The following AGO2 variants were observed in gnomAD, a reference collection of about 807,000 sequenced individuals.
The protein encoded by AGO2 is protein argonaute-2.
A neutral mutation model predicts 102.3 loss-of-function variants in AGO2; 5 were observed. The observed-to-expected ratio is 0.05, with a 90% confidence interval of 0.03 to 0.10. The LOEUF (loss-of-function observed/expected upper bound fraction) is 0.10. AGO2 is among the 10% of genes least tolerant of loss of function. The probability of loss-of-function intolerance (pLI) is 1.00; values close to 1 mark genes in which losing one functional copy is unlikely to be tolerated. For missense variants in AGO2, 541 were observed against 1,183.7 expected, an observed-to-expected ratio of 0.46 and a Z score of 7.97; for synonymous variants, 449 against 473.1, an observed-to-expected ratio of 0.95 and a Z score of 0.66.
chr8:140,640,710 G>A, the AGO2 span, among the ~76,000 whole-genome samples: 1 of 152,026 alleles, frequency 6.6e-6, no homozygotes, highest in Non-Finnish European at 1.5e-5. Flanking sequence ...TAGTAGAGAC[G>A]GGGTTTCACC....
chr8:140,594,825 CTGTGTGTGTGTG>C (rs56012516), intron 1 of AGO2, among the ~76,000 whole-genome samples: 5 of 146,128 alleles, frequency 3.4e-5, no homozygotes, highest in Admixed American at 2.1e-4. Context: ...AAGAAAAAAA[CTGTGTGTGTGTG>C]TGTGTGTGTG....
intron 17 of AGO2, 28 bp downstream of exon 17, chr8:140,535,440 T>C: frequency 6.2e-7 from 1 of 1,608,868 alleles, no homozygotes; most frequent in Non-Finnish European, 8.5e-7. Context: ...CGGCCAAGAC[T>C]CTGTCCGAAG....
In AGO2 at chr8:140,541,226, G is replaced by A; in HGVS notation, c.1972C>T (p.Arg658Cys). 5 of 1,607,272 alleles carry A rather than the reference G, an allele frequency of 3.1e-6. No homozygotes were observed. Among genetic ancestry groups the A allele is most frequent in the South Asian group, 1.1e-5 (1 of 89,914 alleles). Residue 658 changes from arginine to cysteine, a missense_variant, in exon 15 of 19, where the codon CGC becomes TGC. By Grantham distance (180) the Arg-to-Cys change is radical. This residue lies in a region of AGO2 where 309 missense variants were observed against 735.1 expected (regional missense o/e 0.42). Transcript: ENST00000220592. ...AAGATGATGCGGGTGGGCTTGAAGC[G>A]CGTGGACTTGTAGAACTGGATGAGG... ...ELLIQFYKST[R>C]FKPTRIIFYR...
At chr8:140,623,971 T>A (rs1264671945) in intron 1 of AGO2, among the ~76,000 whole-genome samples, 1 of 150,962 alleles carries the variant, frequency 6.6e-6, no homozygotes, top group Admixed American at 6.6e-5. Context: ...ACCAAGATGA[T>A]CCCGGGGCAA....
At chr8:140,570,635 C>A (rs1169355099) in intron 3 of AGO2, among the ~76,000 whole-genome samples, 2 of 152,210 alleles carry the variant, frequency 1.3e-5, no homozygotes, top group Non-Finnish European at 2.9e-5. Context: ...GACCGTGGGG[C>A]ACAGGCACCG....
rs977582591 is a variant in AGO2, at chr8:140,557,898, G to A, written c.878+587C>T. On this transcript the variant is annotated intron_variant, in intron 7 of 18. Coordinates refer to ENST00000220592, the MANE Select transcript of AGO2 (RefSeq NM_012154.5). The surrounding 1 kb of genome is among the most constrained non-coding windows in gnomAD (Gnocchi z 5.9). ...CTCGTCCTTCTGCTCCCTCAGCCAC[G>A]GGCATCTTGGTACCTCCAGTGCCTG... 1.8e-4 allele frequency among the ~76,000 whole-genome samples: 27 copies of A among 152,164 alleles called. No homozygotes were observed. The highest frequency in any genetic ancestry group is 4.8e-4 in the African/African-American group (20 of 41,430).
At chr8:140,555,775 T>G in intron 10 of AGO2, 121 bp downstream of exon 10, 2 of 1,359,150 alleles carry the variant, frequency 1.5e-6, no homozygotes, top group South Asian at 1.6e-5. Flanking sequence ...CAGCCGGGAG[T>G]AGAAAGGATT....
intron 2 of AGO2, among the ~76,000 whole-genome samples, chr8:140,584,401 G>A (rs1490928150): frequency 6.6e-6 from 1 of 152,178 alleles, no homozygotes; most frequent in Non-Finnish European, 1.5e-5. Context: ...AAACGTGATG[G>A]GAGCATGGGA....
chr8:140,630,966 G>C (rs78045465), intron 1 of AGO2, among the ~76,000 whole-genome samples: 2,671 of 152,196 alleles, frequency 0.018, 83 homozygotes, highest in African/African-American at 0.059. Flanking sequence ...AGGTGGGAGG[G>C]CGGCTTGTGC....
intron 17 of AGO2, 177 bp downstream of exon 17, chr8:140,535,291 G>C: frequency 4.6e-5 from 27 of 583,626 alleles, no homozygotes; most frequent in East Asian, 9.4e-5. Context: ...CCACCCCCCA[G>C]GCCCCTCTCC....
At chr8:140,558,372 G>A (rs2073136110) in intron 7 of AGO2, 113 bp downstream of exon 7, 5 of 1,159,828 alleles carry the variant, frequency 4.3e-6, no homozygotes, top group Non-Finnish European at 6.4e-6. Flanking sequence ...TTGAAAAACA[G>A]CATGAAATGG....
At chr8:140,579,440 C>G (rs2073517801) in intron 2 of AGO2, among the ~76,000 whole-genome samples, 1 of 152,136 alleles carries the variant, frequency 6.6e-6, no homozygotes, top group African/African-American at 2.4e-5. Flanking sequence ...GGGATCTTTC[C>G]TCCTAACTGT....
At chr8:140,630,540 G>A (rs1341884685) in intron 1 of AGO2, among the ~76,000 whole-genome samples, 3 of 152,250 alleles carry the variant, frequency 2.0e-5, no homozygotes, top group African/African-American at 7.2e-5. Flanking sequence ...CAGGCTTGGG[G>A]CTCTCAATGT....
intron 16 of AGO2, among the ~76,000 whole-genome samples, chr8:140,536,244 G>A (rs531611212): frequency 3.9e-5 from 6 of 152,230 alleles, no homozygotes; most frequent in African/African-American, 1.2e-4. Flanking sequence ...CATTTAGCAA[G>A]GTCCCTGATG....
intron 1 of AGO2, among the ~76,000 whole-genome samples, chr8:140,604,217 C>T (rs1164836107): frequency 6.6e-6 from 1 of 152,194 alleles, no homozygotes; most frequent in East Asian, 1.9e-4. Flanking sequence ...ATGAGTGCAG[C>T]GTGCTGTGTA....
chr8:140,583,161 C>T (rs899728616), intron 2 of AGO2, among the ~76,000 whole-genome samples: 1 of 152,252 alleles, frequency 6.6e-6, no homozygotes, highest in Non-Finnish European at 1.5e-5. Flanking sequence ...GAACTTCAGG[C>T]TCCCTTGGCC....
chr8:140,609,673 T>TGGTC (rs1279092425), intron 1 of AGO2, among the ~76,000 whole-genome samples: 1 of 152,188 alleles, frequency 6.6e-6, no homozygotes, highest in Admixed American at 6.5e-5. Flanking sequence ...AGGACAGGAA[T>TGGTC]GGTCTGTTTT....
Position 140,557,307 on chromosome 8 carries a change from CG to C in AGO2, c.879-72del. 6.6e-7 allele frequency: 1 copy of C among 1,514,314 alleles called. No homozygotes were observed. Among genetic ancestry groups the C allele is most frequent in the Non-Finnish European group, 8.8e-7 (1 of 1,130,452 alleles). 93.8% of individuals were successfully genotyped at this position (1,514,314 alleles called of 1,614,324 possible). On this transcript the variant is annotated intron_variant, in intron 7 of 18. Coordinates refer to ENST00000220592, the MANE Select transcript of AGO2 (RefSeq NM_012154.5). This position sits in a 1 kb window ranked among gnomAD's most constrained non-coding sequence, Gnocchi z 5.9. ...CTTCCCCTGCGCTGCTTTTCATTTG[CG>C]TTTGCTTTTTAGGGTGACGTGTGAG...
intron 2 of AGO2, among the ~76,000 whole-genome samples, chr8:140,575,272 CCT>C (rs2073446512): frequency 6.7e-6 from 1 of 150,154 alleles, no homozygotes; most frequent in African/African-American, 2.5e-5. Context: ...CACAATCTCA[CCT>C]GGCACCTCCC....
Sources: allele counts gnomAD v4.1 joint callset (sites outside exome capture counted in the v4.1 genomes callset), GRCh38; gene constraint gnomAD v4.1.1; regional missense constraint gnomAD v4.1.1; non-coding constraint Gnocchi (gnomAD v3.1); transcripts MANE v1.5; gene names NCBI Gene and HGNC (gene_info 2026-07-23, HGNC 2026-07-21).